DIP2C: variants seen among roughly 807,000 people sequenced by gnomAD.
The protein encoded by DIP2C is disco-interacting protein 2 homolog C.
A neutral mutation model predicts 192.4 loss-of-function variants in DIP2C; 33 were observed. That is an observed-to-expected ratio of 0.17 (90% confidence interval 0.13 to 0.23). DIP2C has a LOEUF of 0.23. Ranked by LOEUF, DIP2C falls within the 10% of genes least tolerant of loss-of-function variation. The pLI is 1.00. For missense variants in DIP2C, 1,537 were observed against 2,110.1 expected, an observed-to-expected ratio of 0.73 and a Z score of 5.32; for synonymous variants, 979 against 864.1, an observed-to-expected ratio of 1.13 and a Z score of -2.33.
intron 2 of DIP2C, among the ~76,000 whole-genome samples, chr10:481,200 C>CA (rs1198843595): frequency 6.6e-6 from 1 of 152,248 alleles, no homozygotes. Context: ...AACCAACGGC[C>CA]AGCCCAGGTG....
chr10:351,954 C>A (rs1363922561), intron 24 of DIP2C, among the ~76,000 whole-genome samples: 2 of 152,220 alleles, frequency 1.3e-5, no homozygotes, highest in East Asian at 3.8e-4. Context: ...GGAAAACCAG[C>A]ACACCACCCA....
chr10:446,730 C>G (rs1968253857), intron 3 of DIP2C, among the ~76,000 whole-genome samples: 1 of 152,210 alleles, frequency 6.6e-6, no homozygotes, highest in Admixed American at 6.5e-5. Flanking sequence ...GGGCCCTTAT[C>G]AAACAGAGAA....
intron 36 of DIP2C, among the ~76,000 whole-genome samples, chr10:277,948 A>G (rs1040052876): frequency 2.0e-4 from 30 of 152,284 alleles, no homozygotes; most frequent in African/African-American, 7.0e-4. Context: ...GTGTGCCATC[A>G]GCCTCGTACC....
At chr10:594,771 A>G (rs192218810) in intron 1 of DIP2C, among the ~76,000 whole-genome samples, 1 of 152,116 alleles carries the variant, frequency 6.6e-6, no homozygotes, top group Admixed American at 6.5e-5. Context: ...ACCACACACA[A>G]CCGAGCCGCA....
intron 1 of DIP2C, among the ~76,000 whole-genome samples, chr10:582,091 T>C (rs1415536479): frequency 6.6e-6 from 1 of 152,086 alleles, no homozygotes; most frequent in African/African-American, 2.4e-5. Flanking sequence ...AATCTAATGC[T>C]GCCACTGATC....
At chr10:549,607 C>A (rs943919898) in intron 1 of DIP2C, among the ~76,000 whole-genome samples, 1 of 152,108 alleles carries the variant, frequency 6.6e-6, no homozygotes, top group African/African-American at 2.4e-5. Flanking sequence ...GGTCTGGTGG[C>A]TTCAGAGGGG....
At chr10:527,299 T>C (rs1056419624) in intron 1 of DIP2C, among the ~76,000 whole-genome samples, 1 of 152,214 alleles carries the variant, frequency 6.6e-6, no homozygotes, top group Admixed American at 6.5e-5. Flanking sequence ...TCCCCGCTTC[T>C]GGGCTTCTTG....
intron 5 of DIP2C, among the ~76,000 whole-genome samples, chr10:421,712 C>T (rs920017035): frequency 3.9e-5 from 6 of 152,136 alleles, no homozygotes; most frequent in Non-Finnish European, 5.9e-5. Context: ...TTTATACTCA[C>T]AACAGTTCTG....
chr10:519,111 T>G (rs1846537547), intron 1 of DIP2C, among the ~76,000 whole-genome samples: 1 of 152,158 alleles, frequency 6.6e-6, no homozygotes, highest in Non-Finnish European at 1.5e-5. Context: ...ATCCAGCCAT[T>G]AGGGGTGAGC....
intron 1 of DIP2C, among the ~76,000 whole-genome samples, chr10:544,547 T>C (rs1350723302): frequency 6.6e-6 from 1 of 152,158 alleles, no homozygotes; most frequent in Non-Finnish European, 1.5e-5. Context: ...TTCCTTCCCC[T>C]CCCACTAGCA....
intron 17 of DIP2C, among the ~76,000 whole-genome samples, chr10:381,919 C>T (rs921910854): frequency 1.3e-5 from 2 of 152,154 alleles, no homozygotes; most frequent in South Asian, 2.1e-4. Context: ...TTGGATGGGC[C>T]GTTGACAGCC....
chr10:470,441 CCA>C (rs1970538906), intron 3 of DIP2C, among the ~76,000 whole-genome samples: 1 of 152,174 alleles, frequency 6.6e-6, no homozygotes, highest in African/African-American at 2.4e-5. Context: ...CCTCTCTCTT[CCA>C]CACCTTCCTG....
chr10:304,226 A>G (rs565552235), intron 32 of DIP2C, among the ~76,000 whole-genome samples: 1 of 152,338 alleles, frequency 6.6e-6, no homozygotes, highest in South Asian at 2.1e-4. Flanking sequence ...TTATACTAGC[A>G]TTGCCACAAA....
intron 1 of DIP2C, among the ~76,000 whole-genome samples, chr10:504,071 C>T (rs1222971085): frequency 6.6e-6 from 1 of 152,172 alleles, no homozygotes; most frequent in African/African-American, 2.4e-5. Context: ...CATGGAAATA[C>T]TCTCTCTTCA....
intron 1 of DIP2C, among the ~76,000 whole-genome samples, chr10:598,380 A>G (rs1163389710): frequency 6.6e-6 from 1 of 152,246 alleles, no homozygotes; most frequent in Non-Finnish European, 1.5e-5. Context: ...CAACCTTCAA[A>G]TCAATGAAGA....
intron 32 of DIP2C, among the ~76,000 whole-genome samples, chr10:296,117 T>TA (rs1352265771): frequency 6.6e-6 from 1 of 152,238 alleles, no homozygotes; most frequent in East Asian, 1.9e-4. Flanking sequence ...AGAAGCTCTT[T>TA]AGTTTAATTA....
chr10:367,758 G>A (rs1960448882), intron 18 of DIP2C, among the ~76,000 whole-genome samples: 2 of 152,216 alleles, frequency 1.3e-5, no homozygotes, highest in Non-Finnish European at 2.9e-5. Flanking sequence ...TGAGAACACC[G>A]CGGAGCTCGT....
chr10:482,123 C>T (rs1843657150), intron 2 of DIP2C, among the ~76,000 whole-genome samples: 2 of 152,180 alleles, frequency 1.3e-5, no homozygotes, highest in African/African-American at 4.8e-5. Context: ...CTTTAAATGC[C>T]ACCTGGACAC....
intron 1 of DIP2C, among the ~76,000 whole-genome samples, chr10:554,204 T>C (rs1162402320): frequency 6.6e-6 from 1 of 151,270 alleles, no homozygotes; most frequent in Non-Finnish European, 1.5e-5. Flanking sequence ...AGAAAAGGTA[T>C]AGCTTGTAAC....
Sources: allele counts gnomAD v4.1 joint callset (sites outside exome capture counted in the v4.1 genomes callset), GRCh38; gene constraint gnomAD v4.1.1; transcripts MANE v1.5; gene names NCBI Gene and HGNC (gene_info 2026-07-23, HGNC 2026-07-21).